The following GRM3 variants were observed in gnomAD, a reference collection of about 807,000 sequenced individuals.
The protein encoded by GRM3 is metabotropic glutamate receptor 3.
GRM3 carries 26 observed loss-of-function variants against 70.5 expected under a neutral mutation model. That is an observed-to-expected ratio of 0.37 (90% CI 0.27 to 0.51). GRM3 has a LOEUF of 0.51. Ranked by LOEUF, GRM3 falls within the 20% of genes least tolerant of loss-of-function variation. The probability of loss-of-function intolerance (pLI) is 0.93; values close to 1 mark genes in which losing one functional copy is unlikely to be tolerated. For synonymous variants in GRM3, 443 were observed against 434.9 expected (o/e 1.02, Z -0.23); for missense variants, 859 against 1,123.8 (o/e 0.76, Z 3.37).
chr7:86,727,218 A>G (rs1021348078), intron 1 of GRM3, among the ~76,000 whole-genome samples: 1 of 152,170 alleles, frequency 6.6e-6, no homozygotes, highest in African/African-American at 2.4e-5. Flanking sequence ...CATTTTAACC[A>G]AATATGACCC....
At chr7:86,772,598 T>A (rs996798861) in intron 2 of GRM3, among the ~76,000 whole-genome samples, 2 of 152,084 alleles carry the variant, frequency 1.3e-5, no homozygotes, top group Non-Finnish European at 2.9e-5. Context: ...CCATTTTGAA[T>A]GTTAGAGCCT....
Position 86,809,205 on chromosome 7 carries a change from T to C in GRM3, c.1324+22089T>C, listed in dbSNP as rs1797862026. Among the ~76,000 whole-genome samples, 4 of 152,156 alleles carry C rather than the reference T, an allele frequency of 2.6e-5. No individual in the cohort carries two copies. In the South Asian group the frequency reaches 8.3e-4, roughly 32 times the overall value. On this transcript the variant is annotated intron_variant, in intron 3 of 5. Transcript: ENST00000361669. ...CGAGAATCAATTCTCTATTATACAA[T>C]CCAAATTAAGCACAGTTAAAGTTAC...
At chr7:86,801,174 A>G (rs1467617960) in intron 3 of GRM3, among the ~76,000 whole-genome samples, 2 of 148,864 alleles carry the variant, frequency 1.3e-5, no homozygotes, top group African/African-American at 2.5e-5. Context: ...GAGTTCAAGC[A>G]ATTCTCCTGC....
chr7:86,723,389 G>T (rs1795519811), intron 1 of GRM3, among the ~76,000 whole-genome samples: 1 of 151,898 alleles, frequency 6.6e-6, no homozygotes, highest in Non-Finnish European at 1.5e-5. Context: ...ATACATAATG[G>T]TGACTGGCTG....
intron 3 of GRM3, among the ~76,000 whole-genome samples, chr7:86,816,135 C>T (rs1335252143): frequency 6.6e-6 from 1 of 151,796 alleles, no homozygotes; most frequent in Non-Finnish European, 1.5e-5. Flanking sequence ...TAAGCATTGA[C>T]AGAGAGGTAG....
intron 3 of GRM3, among the ~76,000 whole-genome samples, chr7:86,816,288 C>CT (rs903025294): frequency 4.0e-5 from 6 of 151,098 alleles, no homozygotes; most frequent in South Asian, 4.2e-4. Flanking sequence ...GCGACAAGCA[C>CT]TTTTTTTTTA....
rs17161000 is a variant in GRM3, at chr7:86,792,458, G to A, written c.1324+5342G>A. On this transcript the variant is annotated intron_variant, in intron 3 of 5. Coordinates refer to ENST00000361669, the MANE Select transcript of GRM3 (RefSeq NM_000840.3). ...CAATGTCACGTAGGCATTATCTCAG[G>A]AATAACATTTATGCCATTCCTCTCT... Among the ~76,000 whole-genome samples, 1,023 of 152,268 alleles carry A rather than the reference G, an allele frequency of 6.7e-3. 10 individuals are homozygous for A. Among genetic ancestry groups the A allele is most frequent in the African/African-American group, 0.024 (979 of 41,548 alleles).
intron 3 of GRM3, among the ~76,000 whole-genome samples, chr7:86,826,574 A>C (rs1289866522): frequency 2.0e-5 from 3 of 152,228 alleles, no homozygotes; most frequent in African/African-American, 7.2e-5. Flanking sequence ...TATAAGCTGG[A>C]AATGACTATA....
At chr7:86,781,771 A>C (rs1033708258) in intron 2 of GRM3, among the ~76,000 whole-genome samples, 1 of 152,142 alleles carries the variant, frequency 6.6e-6, no homozygotes, top group African/African-American at 2.4e-5. Context: ...ATGTAATTTT[A>C]TTTGGCCACT....
chr7:86,766,893 T>C (rs1796613053), intron 2 of GRM3, among the ~76,000 whole-genome samples: 1 of 152,106 alleles, frequency 6.6e-6, no homozygotes, highest in Non-Finnish European at 1.5e-5. Context: ...CTTCTTTCTC[T>C]ATCTCACATT....
At chr7:86,697,364 C>A (rs802478) in intron 1 of GRM3, among the ~76,000 whole-genome samples, 68,337 of 151,166 alleles carry the variant, frequency 0.45, 16,229 homozygotes, top group East Asian at 0.81. Flanking sequence ...TGATCCAAGG[C>A]TCAAATCTGA....
At chr7:86,785,755 C>T (rs535279996) in intron 2 of GRM3, among the ~76,000 whole-genome samples, 201 of 130,056 alleles carry the variant, frequency 1.5e-3, no homozygotes, top group African/African-American at 5.6e-3. Flanking sequence ...TCTGGACTGC[C>T]CATGTGGCAT....
At chr7:86,725,778 G>C (rs778857861) in intron 1 of GRM3, among the ~76,000 whole-genome samples, 6 of 152,084 alleles carry the variant, frequency 3.9e-5, no homozygotes, top group Non-Finnish European at 7.4e-5. Context: ...TGAAGACTGG[G>C]GAGTCCAAGA....
chr7:86,770,046 T>C (rs959083473), intron 2 of GRM3, among the ~76,000 whole-genome samples: 1 of 152,174 alleles, frequency 6.6e-6, no homozygotes, highest in African/African-American at 2.4e-5. Context: ...GTACTTGTTT[T>C]GAAACAATGA....
At chr7:86,751,961 C>A (rs371874100) in intron 1 of GRM3, among the ~76,000 whole-genome samples, 1 of 152,110 alleles carries the variant, frequency 6.6e-6, no homozygotes, top group Non-Finnish European at 1.5e-5. Flanking sequence ...AAATGCACAG[C>A]CACACTAGCC....
chr7:86,762,088 T>A (rs1796493565), intron 1 of GRM3, among the ~76,000 whole-genome samples: 1 of 152,190 alleles, frequency 6.6e-6, no homozygotes, highest in Non-Finnish European at 1.5e-5. Context: ...TTTCTGCATC[T>A]TTATCATTAG....
At chr7:86,755,110 A>C (rs936681186) in intron 1 of GRM3, among the ~76,000 whole-genome samples, 1 of 152,040 alleles carries the variant, frequency 6.6e-6, no homozygotes, top group African/African-American at 2.4e-5. Context: ...GGTGTGTCAT[A>C]AGCCACCCAT....
chr7:86,677,496 A>T (rs954578985), intron 1 of GRM3, among the ~76,000 whole-genome samples: 2 of 151,922 alleles, frequency 1.3e-5, no homozygotes, highest in African/African-American at 4.8e-5. Flanking sequence ...TGGTCACCAA[A>T]CCTGTGCAAG....
chr7:86,836,318 G>T (rs533107896), intron 3 of GRM3, among the ~76,000 whole-genome samples: 77 of 152,206 alleles, frequency 5.1e-4, no homozygotes, highest in African/African-American at 1.8e-3. Flanking sequence ...ACTAGATAAT[G>T]AGGTTTATAA....
Sources: gnomAD v4.1 joint callset for allele counts (sites outside exome capture counted in the v4.1 genomes callset) on GRCh38, gnomAD v4.1.1 for gene constraint, MANE v1.5 for transcripts, NCBI Gene and HGNC (gene_info 2026-07-23, HGNC 2026-07-21) for gene names.